Variants in ABCA9 observed in about 807,000 individuals in gnomAD.
ABCA9 encodes the protein ATP-binding cassette sub-family A member 9.
ABCA9 carries 183 observed loss-of-function variants against 205.3 expected under a neutral mutation model. That is an observed-to-expected ratio of 0.89 (90% confidence interval 0.79 to 1.01). ABCA9 has a LOEUF of 1.01. ABCA9 is among the 50% of genes least tolerant of loss of function. ABCA9 has a pLI of 0.00. For missense variants in ABCA9, 1,805 were observed against 1,912.4 expected (o/e 0.94, Z 1.05); for synonymous variants, 651 against 683.3 (o/e 0.95, Z 0.74).
the ABCA9 span, among the ~76,000 whole-genome samples, chr17:69,067,093 C>T: frequency 1.3e-5 from 2 of 151,992 alleles, no homozygotes; most frequent in African/African-American, 4.8e-5. Context: ...AACTGAGTTA[C>T]TCATACCTAA....
At chr17:68,987,382 C>T (rs766576650) in intron 31 of ABCA9, among the ~76,000 whole-genome samples, 6 of 152,144 alleles carry the variant, frequency 3.9e-5, no homozygotes, top group East Asian at 1.9e-4. Flanking sequence ...TAAGTAAACA[C>T]GTAAGTGAAC....
chr17:69,034,047 A>C (rs1169090499), intron 8 of ABCA9, among the ~76,000 whole-genome samples, 174 bp from the exon 9 acceptor site: 1 of 152,162 alleles, frequency 6.6e-6, no homozygotes, highest in East Asian at 1.9e-4. Context: ...AGTGATGTCA[A>C]TTTGGGAAAT....
intron 32 of ABCA9, among the ~76,000 whole-genome samples, chr17:68,985,881 C>T (rs1255991673): frequency 1.3e-5 from 2 of 151,838 alleles, no homozygotes; most frequent in African/African-American, 4.8e-5. Context: ...CGCTTGAACC[C>T]AAGAGGCGGA....
intron 26 of ABCA9, among the ~76,000 whole-genome samples, chr17:68,993,563 C>T (rs562339550): frequency 6.6e-6 from 1 of 152,300 alleles, no homozygotes; most frequent in East Asian, 1.9e-4. Flanking sequence ...GAGTTTCACA[C>T]GTATACATAT....
intron 37 of ABCA9, among the ~76,000 whole-genome samples, chr17:68,979,721 A>G (rs1307832387): frequency 3.9e-5 from 6 of 152,238 alleles, no homozygotes; most frequent in South Asian, 4.1e-4. Context: ...TGGGAAAACT[A>G]GCTAGCCATA....
chr17:69,024,457 C>A, intron 16 of ABCA9, 104 bp from the exon 17 acceptor site: 3 of 1,130,162 alleles, frequency 2.7e-6, no homozygotes, highest in Non-Finnish European at 2.4e-6. Context: ...ATTTATGAGA[C>A]AAAAAAATGT....
chr17:68,986,114 T>A (rs1363659157), intron 32 of ABCA9, 50 bp downstream of exon 32: 1 of 1,533,750 alleles, frequency 6.5e-7, no homozygotes, highest in South Asian at 1.3e-5. Flanking sequence ...TGTATGTTAT[T>A]AATACAACAT....
chr17:69,035,211 T>G, intron 8 of ABCA9, 35 bp downstream of exon 8: 1 of 1,454,740 alleles, frequency 6.9e-7, no homozygotes. Context: ...TGTAGAACGG[T>G]TTGTAAAAAG....
At chr17:68,980,474 A>T (rs371142630) in intron 37 of ABCA9, among the ~76,000 whole-genome samples, 5 of 152,234 alleles carry the variant, frequency 3.3e-5, no homozygotes, top group African/African-American at 9.6e-5. Context: ...TGCTATAAAG[A>T]CACATGCACA....
At chr17:69,027,569 A>C (rs1405696441) in intron 13 of ABCA9, 71 bp downstream of exon 13, 1 of 1,575,792 alleles carries the variant, frequency 6.3e-7, no homozygotes, top group African/African-American at 1.4e-5. Flanking sequence ...ATTATGTATA[A>C]CTTAGCACAA....
chr17:68,990,289 TCTTA>T (rs572668006), intron 29 of ABCA9, among the ~76,000 whole-genome samples: 5 of 152,306 alleles, frequency 3.3e-5, no homozygotes, highest in Non-Finnish European at 5.9e-5. Flanking sequence ...AAACACAAAA[TCTTA>T]CTTAAGTTTT....
rs893807409 is a variant in ABCA9, at chr17:68,994,951, G to A, written c.3555+944C>T. On this transcript the variant is annotated intron_variant, in intron 26 of 38. Transcript: ENST00000340001. ...ATTTATTCTTGAATTTTTCTGCTAC[G>A]CTTTTTGCCACATCTCCTAGAAATA... Among the ~76,000 whole-genome samples, 8 of 151,954 alleles carry A rather than the reference G, an allele frequency of 5.3e-5. No individual in the cohort carries two copies. In the East Asian group the frequency reaches 7.7e-4, roughly 15 times the overall value.
chr17:69,016,318 T>C lies in ABCA9; in HGVS notation c.2974A>G (p.Asn992Asp), dbSNP rs1283757513. 1.2e-6 allele frequency: 2 copies of C among 1,603,754 alleles called. No individual in the cohort carries two copies. Among genetic ancestry groups the C allele is most frequent in the Middle Eastern group, 3.3e-4 (2 of 6,018 alleles). The change falls in exon 22 of 39, where the codon AAT becomes GAT. Residue 992 changes from asparagine to aspartate, a missense_variant. Coordinates refer to ENST00000340001, the MANE Select transcript of ABCA9 (RefSeq NM_080283.4). ...GAATTAAAAATTCCAAGTAGTCCAT[T>C]GCTAATGACATCCAGGAGGACAGGA... ...CFPVLLDVIS[N>D]GLLGIFNSSE... is the part of the protein sequence containing the mutation.
intron 26 of ABCA9, 119 bp from the exon 27 acceptor site, chr17:68,993,203 C>T: frequency 1.3e-6 from 1 of 757,252 alleles, no homozygotes; most frequent in Admixed American, 2.5e-5. Context: ...ACCTGATGCT[C>T]CCTTGGGTAT....
At chr17:68,985,567 A>G (rs779435353) in intron 32 of ABCA9, among the ~76,000 whole-genome samples, 182 of 152,294 alleles carry the variant, frequency 1.2e-3, no homozygotes, top group Non-Finnish European at 1.8e-3. Context: ...GGTTGCAGTG[A>G]GCTGAGATCG....
intron 31 of ABCA9, among the ~76,000 whole-genome samples, chr17:68,987,088 A>T (rs2069261923): frequency 6.6e-6 from 1 of 152,228 alleles, no homozygotes; most frequent in African/African-American, 2.4e-5. Flanking sequence ...AGCATATAAT[A>T]TATTTTTAAT....
At chr17:68,995,454 A>G (rs975049874) in intron 26 of ABCA9, among the ~76,000 whole-genome samples, 4 of 152,134 alleles carry the variant, frequency 2.6e-5, no homozygotes, top group African/African-American at 2.4e-5. Flanking sequence ...TTATTGTCGC[A>G]TGGCTTTTCA....
chr17:69,051,304 C>T (rs2071893419), intron 1 of ABCA9, among the ~76,000 whole-genome samples, 165 bp from the exon 2 acceptor site: 1 of 152,160 alleles, frequency 6.6e-6, no homozygotes, highest in African/African-American at 2.4e-5. Flanking sequence ...AATGTTTAAA[C>T]TCAATATTGA....
intron 10 of ABCA9, among the ~76,000 whole-genome samples, chr17:69,031,307 T>C (rs957267224): frequency 6.6e-5 from 10 of 152,220 alleles, no homozygotes; most frequent in African/African-American, 2.2e-4. Context: ...AAAGATGTCA[T>C]GATTCTTGAA....
Sources: allele counts gnomAD v4.1 joint callset (sites outside exome capture counted in the v4.1 genomes callset), GRCh38; gene constraint gnomAD v4.1.1; transcripts MANE v1.5; gene names NCBI Gene and HGNC (gene_info 2026-07-23, HGNC 2026-07-21).